RECQL: variants seen among roughly 807,000 people sequenced by gnomAD.
RECQL encodes the protein RecQ like helicase.
Under a neutral mutation model 75.8 loss-of-function variants are expected in RECQL, and 73 were observed. The ratio of observed to expected loss-of-function variants is 0.96; its 90% CI spans 0.80 to 1.17. The LOEUF (loss-of-function observed/expected upper bound fraction) is 1.17, where lower values mean the gene tolerates loss of function less well. Ranked by LOEUF, RECQL falls within the 50% of genes most tolerant of loss-of-function variation. RECQL has a pLI of 0.00. For synonymous variants in RECQL, 248 were observed against 254.4 expected, an observed-to-expected ratio of 0.97 and a Z score of 0.24; for missense variants, 699 against 772.1, an observed-to-expected ratio of 0.91 and a Z score of 1.12.
At chr12:21,497,189 T>C (rs1302414160) in intron 2 of RECQL, among the ~76,000 whole-genome samples, 2 of 152,198 alleles carry the variant, frequency 1.3e-5, no homozygotes, top group African/African-American at 4.8e-5. Flanking sequence ...GGAAGTGGTA[T>C]GTGCCAAAGT....
In RECQL at chr12:21,476,949, A is replaced by G. The variant is rs1311488948; in HGVS notation, c.911T>C (p.Ile304Thr). 3.1e-6 allele frequency: 5 copies of G among 1,610,280 alleles called. No individual in the cohort carries two copies. The highest frequency in any genetic ancestry group is 4.2e-6 in the Non-Finnish European group (5 of 1,178,496). ...PSNTEDFIED[I>T]VKLINGRYKG... is the part of the protein sequence containing the mutation. ...GTATCTCCCATTAATGAGCTTTACAATATCCTCAATAAAATCTTCAGTGTT... is the reference window on the plus strand; with the variant it reads ...GTATCTCCCATTAATGAGCTTTACAGTATCCTCAATAAAATCTTCAGTGTT... The change falls in exon 8 of 15, where the codon ATT becomes ACT. Residue 304 changes from isoleucine (I) to threonine (T), a missense_variant. Coordinates refer to ENST00000444129, the MANE Select transcript of RECQL (RefSeq NM_002907.4).
intron 5 of RECQL, 86 bp from the exon 6 acceptor site, chr12:21,483,660 C>T: frequency 1.0e-6 from 1 of 966,430 alleles, no homozygotes; most frequent in Non-Finnish European, 1.5e-6. Context: ...ACGTTCATTT[C>T]TCCAAAGCAA....
At chr12:21,494,836 A>T (rs1432101107) in intron 2 of RECQL, among the ~76,000 whole-genome samples, 1 of 152,228 alleles carries the variant, frequency 6.6e-6, no homozygotes, top group Non-Finnish European at 1.5e-5. Flanking sequence ...GCTAGGAATG[A>T]CAGTGGGAAA....
At chr12:21,493,608 A>G (rs531624699) in intron 2 of RECQL, among the ~76,000 whole-genome samples, 107 of 152,326 alleles carry the variant, frequency 7.0e-4, no homozygotes, top group African/African-American at 2.5e-3. Context: ...AAGTCAGCAC[A>G]CTGACTGGGA....
intron 2 of RECQL, among the ~76,000 whole-genome samples, chr12:21,493,130 C>T (rs987585674): frequency 6.6e-6 from 1 of 152,186 alleles, no homozygotes; most frequent in South Asian, 2.1e-4. Flanking sequence ...TCCGGAAGAA[C>T]AGAAACTTAA....
In RECQL at chr12:21,475,802, C is replaced by G. The variant is rs1410317252; in HGVS notation, c.972G>C (p.Gln324His). 1.2e-6 allele frequency: 2 copies of G among 1,612,424 alleles called. No homozygotes were observed. Among genetic ancestry groups the G allele is most frequent in the East Asian group, 2.2e-5 (1 of 44,846 alleles). ...TAACCGTAACTTGTTCAGAGTCTTT[C>G]TGAGAAAAACAATATATGATTCCTG... Reference protein sequence around the residue: ...GQSGIIYCFSQKDSEQVTVSL... With the variant: ...GQSGIIYCFSHKDSEQVTVSL... The change falls in exon 9 of 15, where the codon CAG becomes CAC. Residue 324 changes from glutamine (Q) to histidine (H), a missense_variant. By Grantham distance (24) the Gln-to-His change is conservative (BLOSUM62 0). Coordinates refer to ENST00000444129, the MANE Select transcript of RECQL (RefSeq NM_002907.4).
chr12:21,472,415 T>C (rs531202457), intron 12 of RECQL, among the ~76,000 whole-genome samples: 2 of 152,148 alleles, frequency 1.3e-5, no homozygotes, highest in East Asian at 1.9e-4. Context: ...GGCGGCTCCA[T>C]AGACAGAGCA....
chr12:21,501,486 G>A lies in RECQL; in HGVS notation c.-362C>T, dbSNP rs1335366217. ...ACCGAGAAGCCCGGTCTAACTCTCC[G>A]GTGTTTGACTGTCCGGTGTCCGACT... is the stretch of plus-strand genomic sequence containing the variant. On this transcript the variant is annotated 5_prime_UTR_variant, in exon 1 of 15. Coordinates refer to ENST00000444129, the MANE Select transcript of RECQL (RefSeq NM_002907.4). 1.2e-5 allele frequency: 2 copies of A among 166,130 alleles called. No individual in the cohort carries two copies. The highest frequency in any genetic ancestry group is 2.4e-5 in the African/African-American group (1 of 41,582). The allele number at this position is 166,130 out of a possible 1,614,324, so 10.3% of individuals were successfully genotyped here. A position where few individuals can be genotyped will look rare whatever the true frequency, so the allele number is the denominator to read the frequency against.
At chr12:21,484,938 T>C (rs1238088340) in intron 5 of RECQL, among the ~76,000 whole-genome samples, 1 of 152,050 alleles carries the variant, frequency 6.6e-6, no homozygotes, top group Non-Finnish European at 1.5e-5. Context: ...ATTTTCATCA[T>C]GCAGAGTTAA....
At chr12:21,497,116 C>T (rs1242839284) in intron 2 of RECQL, among the ~76,000 whole-genome samples, 2 of 152,158 alleles carry the variant, frequency 1.3e-5, no homozygotes, top group Non-Finnish European at 2.9e-5. Context: ...ACCTGTGCTG[C>T]CTATCATCAA....
chr12:21,490,693 A>T (rs563851878), intron 3 of RECQL, among the ~76,000 whole-genome samples: 16 of 152,042 alleles, frequency 1.1e-4, no homozygotes, highest in South Asian at 6.2e-4. Context: ...CTATAAAAAA[A>T]TTTTTTTTAA....
chr12:21,486,592 G>C lies in RECQL; in HGVS notation c.395-7C>G. ...CAAATGACGAGTGTAAAACCTAAAA[G>C]AGAAAAAAAAAAAAATCTACCTTAA... is the stretch of plus-strand genomic sequence containing the variant. On this transcript the variant is annotated splice_polypyrimidine_tract_variant and splice_region_variant and intron_variant, in intron 4 of 14. Coordinates refer to ENST00000444129, the MANE Select transcript of RECQL (RefSeq NM_002907.4). 1 of 1,112,468 alleles carries C rather than the reference G, an allele frequency of 9.0e-7. No homozygotes were observed. Among genetic ancestry groups the C allele is most frequent in the Non-Finnish European group, 1.1e-6 (1 of 902,418 alleles). The allele number at this position is 1,112,468 out of a possible 1,614,324, so 68.9% of individuals were successfully genotyped here.
Position 21,491,592 on chromosome 12 carries a change from C to T in RECQL, c.141G>A (p.Lys47=). The T allele has an allele frequency of 6.2e-7, 1 of 1,612,740 alleles. No individual in the cohort carries two copies. The highest frequency in any genetic ancestry group is 8.5e-7 in the Non-Finnish European group (1 of 1,179,756). The change falls in exon 3 of 15, where the codon AAG becomes AAA. Residue 47 remains lysine (K), a synonymous_variant. Coordinates refer to ENST00000444129, the MANE Select transcript of RECQL (RefSeq NM_002907.4). ...QKKKVLTKKI[K]QCLEDSDAGA... The stretch of plus-strand genomic sequence containing the variant: ...CGGCATCAGAATCCTCTAAACACTG[C>T]TTTATTTTCTTTGTCAGGACTTTTT...
At chr12:21,477,075 T>C in intron 7 of RECQL, 83 bp from the exon 8 acceptor site, 1 of 884,966 alleles carries the variant, frequency 1.1e-6, no homozygotes, top group Admixed American at 2.7e-5. Flanking sequence ...AGGATGCAGT[T>C]CTTTCATGAC....
In RECQL at chr12:21,474,989, G is replaced by A. The variant is rs759497225; in HGVS notation, c.1217-10C>T. ...TTCATGTCATCTCGACCTGTGGTGT[G>A]AGAAACCTTGAGATTGCAGAATTAC... On this transcript the variant is annotated splice_polypyrimidine_tract_variant and intron_variant, in intron 10 of 14. Transcript: ENST00000444129. 9.3e-6 allele frequency: 15 copies of A among 1,607,172 alleles called. No individual in the cohort carries two copies. The highest frequency in any genetic ancestry group is 1.1e-5 in the Non-Finnish European group (13 of 1,176,254).
chr12:21,470,611 A>T (rs1340217165), intron 14 of RECQL: 1 of 373,086 alleles, frequency 2.7e-6, no homozygotes, highest in African/African-American at 2.1e-5. Flanking sequence ...TGCAGACTTG[A>T]TAGTATTTGG....
rs117723987 is a variant in RECQL at position 21,477,257 on chromosome 12, G to A, written c.868-265C>T. Among the ~76,000 whole-genome samples the A allele has an allele frequency of 4.8e-3, 730 of 152,106 alleles. 3 individuals carry two copies. Among genetic ancestry groups the A allele is most frequent in the Middle Eastern group, 0.027 (8 of 292 alleles). On this transcript the variant is annotated intron_variant, in intron 7 of 14. Transcript: ENST00000444129. ...AAGGATGCAGACTTTTTTATTTTGC[G>A]ATGCTACTTTTATAAAAACAAACCG...
rs200060542 is a variant in RECQL at position 21,490,268 on chromosome 12, C to T, written c.325G>A (p.Val109Ile). The T allele has an allele frequency of 8.1e-6, 13 of 1,612,948 alleles. No homozygotes were observed. The African/African-American group carries it at 1.6e-4, about 20-fold the overall frequency. ...TINVTMAGKE[V>I]FLVMPTGGGK... ...CCTCCTGTAGGCATAACAAGAAATA[C>T]CTCCTTTCCAGCCATTGTTACGTTA... Residue 109 changes from valine to isoleucine, a missense_variant, in exon 4 of 15, where the codon GTA becomes ATA. By Grantham distance (29) the Val-to-Ile change is conservative. Around this residue, in one of 2 missense-constraint regions of RECQL, gnomAD observed 669 missense variants for 713.5 expected, o/e 0.94. Transcript: ENST00000444129.
At chr12:21,484,310 A>C (rs1170309145) in intron 5 of RECQL, among the ~76,000 whole-genome samples, 1 of 152,150 alleles carries the variant, frequency 6.6e-6, no homozygotes, top group Non-Finnish European at 1.5e-5. Flanking sequence ...TAACTCCTAG[A>C]TATATTCTAG....
Sources: allele counts gnomAD v4.1 joint callset (sites outside exome capture counted in the v4.1 genomes callset), GRCh38; gene constraint gnomAD v4.1.1; regional missense constraint gnomAD v4.1.1; transcripts MANE v1.5; gene names NCBI Gene and HGNC (gene_info 2026-07-23, HGNC 2026-07-21).